The following MMEL1 variants were observed in gnomAD, a reference collection of about 807,000 sequenced individuals.
The protein encoded by MMEL1 is membrane metallo-endopeptidase-like 1.
MMEL1 carries 98 observed loss-of-function variants against 117.1 expected under a neutral mutation model. The observed-to-expected ratio is 0.84, with a 90% CI of 0.71 to 0.99. The LOEUF is 0.99. MMEL1 is among the 50% of genes least tolerant of loss of function. MMEL1 has a pLI of 0.00. For synonymous variants in MMEL1, 390 were observed against 415.1 expected, an observed-to-expected ratio of 0.94 and a Z score of 0.74; for missense variants, 1,014 against 1,049.1, an observed-to-expected ratio of 0.97 and a Z score of 0.46.
At chr1:2,593,266 C>T (rs1459187823) in intron 19 of MMEL1, among the ~76,000 whole-genome samples, 1 of 152,218 alleles carries the variant, frequency 6.6e-6, no homozygotes, top group Non-Finnish European at 1.5e-5. Context: ...AGGGCTCCTC[C>T]TGGGATGCCC....
intron 2 of MMEL1, among the ~76,000 whole-genome samples, chr1:2,623,438 T>C (rs1645321587): frequency 6.6e-6 from 1 of 152,040 alleles, no homozygotes; most frequent in African/African-American, 2.4e-5. Flanking sequence ...TTGGAGCCCA[T>C]CCAAGACCTG....
intron 18 of MMEL1, 176 bp downstream of exon 18, chr1:2,594,209 G>A (rs1252140711): frequency 2.7e-5 from 22 of 826,916 alleles, no homozygotes; most frequent in African/African-American, 3.4e-5. Flanking sequence ...TCCCGAAGCC[G>A]CTCATGGGCA....
At position 2,605,550 on chromosome 1, in the gene MMEL1, C is replaced by G. The variant is rs553715932; in HGVS notation, c.816+8G>C. ...GGTCATCTGGCATTGCGGTGAGGAC[C>G]CACCCACCTTCCGGTTGCTGCCGCC... On this transcript the variant is annotated splice_region_variant and intron_variant, in intron 9 of 23. Transcript: ENST00000378412. The G allele has an allele frequency of 6.2e-7, 1 of 1,611,186 alleles. No homozygotes were observed. Among genetic ancestry groups the G allele is most frequent in the African/African-American group, 1.3e-5 (1 of 74,960 alleles).
At position 2,592,125 on chromosome 1, in the gene MMEL1, C is replaced by A. The variant is rs1360602713; in HGVS notation, c.2068-98G>T. ...AGCAGAGGTCTGGCTCCAGGACCTACCCCTGTGGGGGTCCTGCTGCTGCAA... is the reference window on the plus strand; with the variant it reads ...AGCAGAGGTCTGGCTCCAGGACCTAACCCTGTGGGGGTCCTGCTGCTGCAA... On this transcript the variant is annotated intron_variant, in intron 21 of 23. Transcript: ENST00000378412. The A allele has an allele frequency of 5.1e-6, 5 of 981,098 alleles. No individual in the cohort carries two copies. In the South Asian group the frequency reaches 6.0e-5, roughly 12 times the overall value. 60.8% of individuals were successfully genotyped at this position (981,098 alleles called of 1,614,324 possible).
intron 11 of MMEL1, among the ~76,000 whole-genome samples, chr1:2,602,590 C>G (rs766569414): frequency 2.0e-5 from 3 of 152,214 alleles, no homozygotes; most frequent in Non-Finnish European, 4.4e-5. Flanking sequence ...CCACCTGCCC[C>G]GTCCCCTTCA....
chr1:2,602,705 C>T lies in MMEL1; in HGVS notation c.1041+1179G>A, dbSNP rs1180743871. On this transcript the variant is annotated intron_variant, in intron 11 of 23. Coordinates refer to ENST00000378412, the MANE Select transcript of MMEL1 (RefSeq NM_033467.4). ...CCCCGAGGTCGGACACGGCATCCCC[C>T]GCTTTACTTCCTACTCCATCTCTCT... Among the ~76,000 whole-genome samples the T allele has an allele frequency of 5.3e-5, 8 of 152,202 alleles. No individual in the cohort carries two copies. In the East Asian group the frequency reaches 5.8e-4, roughly 11 times the overall value.
intron 2 of MMEL1, among the ~76,000 whole-genome samples, chr1:2,614,614 T>C (rs369879658): frequency 6.6e-6 from 1 of 152,220 alleles, no homozygotes; most frequent in Non-Finnish European, 1.5e-5. Flanking sequence ...GATATGAGTA[T>C]CTAGATGGGT....
At chr1:2,610,415 G>A (rs1020163565) in intron 4 of MMEL1, among the ~76,000 whole-genome samples, 5 of 152,086 alleles carry the variant, frequency 3.3e-5, no homozygotes, top group African/African-American at 9.7e-5. Context: ...GAACACCAGC[G>A]GTCTGACTTG....
chr1:2,595,424 GT>G lies in MMEL1; in HGVS notation c.1501-66del, dbSNP rs1208083942. ...GCGGATGGAGTCAGCCCGGGGGCCGGTCAGTGAGTGCCACACTGTGGGAGGG... is the reference window on the plus strand; with the variant it reads ...GCGGATGGAGTCAGCCCGGGGGCCGGCAGTGAGTGCCACACTGTGGGAGGG... On this transcript the variant is annotated intron_variant, in intron 15 of 23. Coordinates refer to ENST00000378412, the MANE Select transcript of MMEL1 (RefSeq NM_033467.4). This position sits in a 1 kb window ranked among gnomAD's most constrained non-coding sequence, Gnocchi z 4.8. 1.4e-6 allele frequency: 2 copies of G among 1,406,726 alleles called. No homozygotes were observed. The highest frequency in any genetic ancestry group is 2.8e-5 in the African/African-American group (2 of 70,770). The allele number at this position is 1,406,726 out of a possible 1,614,324, so 87.1% of individuals were successfully genotyped here.
intron 14 of MMEL1, among the ~76,000 whole-genome samples, chr1:2,596,322 CA>C (rs1644838840): frequency 6.6e-6 from 1 of 152,132 alleles, no homozygotes; most frequent in African/African-American, 2.4e-5. Context: ...CCTCGTGGGC[CA>C]GGGGCAACTT....
At chr1:2,606,410 G>T (rs762843937) in intron 7 of MMEL1, 44 bp from the exon 8 acceptor site, 3 of 1,498,870 alleles carry the variant, frequency 2.0e-6, no homozygotes, top group Non-Finnish European at 2.8e-6. Context: ...GGGCCCTGGG[G>T]CCCCAGCCCG....
chr1:2,626,378 C>T (rs1189955136), intron 2 of MMEL1, among the ~76,000 whole-genome samples: 3 of 152,216 alleles, frequency 2.0e-5, no homozygotes, highest in Non-Finnish European at 4.4e-5. Flanking sequence ...GGTTTATACA[C>T]GAGGGGCACT....
At chr1:2,631,417 TTGCC>T (rs1638576018) in intron 1 of MMEL1, among the ~76,000 whole-genome samples, 1 of 151,916 alleles carries the variant, frequency 6.6e-6, no homozygotes. Context: ...GCTGTGGACT[TTGCC>T]TGAGTTCTGT....
Position 2,629,420 on chromosome 1 carries a change from G to C in MMEL1, c.65C>G (p.Pro22Arg). Residue 22 changes from proline (P) to arginine (R), a missense_variant, in exon 2 of 24, where the codon CCG (proline) becomes CGG (arginine). By Grantham distance (103) the Pro-to-Arg change is moderately radical. Coordinates refer to ENST00000378412, the MANE Select transcript of MMEL1 (RefSeq NM_033467.4). Reference sequence around the variant, plus strand: ...CAGCAGCCCCCCCTCCAGGAACCCCGGGCGCTTCTGCCCTGCACGGCCGGC... The same window carrying C: ...CAGCAGCCCCCCCTCCAGGAACCCCCGGCGCTTCTGCCCTGCACGGCCGGC... ...ESAGRAGQKR[P>R]GFLEGGLLLL... The C allele has an allele frequency of 6.5e-7, 1 of 1,545,538 alleles. No individual in the cohort carries two copies. The highest frequency in any genetic ancestry group is 8.7e-7 in the Non-Finnish European group (1 of 1,146,040).
intron 11 of MMEL1, among the ~76,000 whole-genome samples, chr1:2,599,674 A>G: frequency 6.6e-6 from 1 of 152,220 alleles, no homozygotes; most frequent in East Asian, 1.9e-4. Context: ...GCTGGCCAAC[A>G]TGGTGAAACC....
At chr1:2,610,724 AC>A (rs141463268) in intron 4 of MMEL1, among the ~76,000 whole-genome samples, 1 of 152,048 alleles carries the variant, frequency 6.6e-6, no homozygotes, top group Non-Finnish European at 1.5e-5. Context: ...GCTGGGCTGC[AC>A]CCCCCGACCA....
rs145576783 is a variant in MMEL1, at chr1:2,598,972, C to T, written c.1042-182G>A. Among the ~76,000 whole-genome samples, 550 of 152,146 alleles carry T rather than the reference C, an allele frequency of 3.6e-3. 2 individuals carry two copies. Among genetic ancestry groups the T allele is most frequent in the African/African-American group, 0.013 (520 of 41,512 alleles). ...GAGCCTACAGCTGTAAAAACCCAAG[C>T]GATCATGCAGATATATGCGAAAGCC... On this transcript the variant is annotated intron_variant, in intron 11 of 23. Coordinates refer to ENST00000378412, the MANE Select transcript of MMEL1 (RefSeq NM_033467.4).
intron 2 of MMEL1, 152 bp downstream of exon 2, chr1:2,629,179 C>T (rs1442761149): frequency 3.8e-6 from 3 of 796,066 alleles, no homozygotes; most frequent in East Asian, 3.3e-5. Flanking sequence ...CGCAGCTCGG[C>T]CCCGGGAGCC....
At position 2,590,933 on chromosome 1, in the gene MMEL1, C is replaced by T. The variant is rs1386507665; in HGVS notation, c.*57G>A. ...TGGGTCGCCGCTAGCTGCACCTTCG[C>T]ACAGATGCCTCCGAGCAGCGGGTGG... is the stretch of plus-strand genomic sequence containing the variant. On this transcript the variant is annotated 3_prime_UTR_variant, in exon 24 of 24. Transcript: ENST00000378412. 8 of 1,356,908 alleles carry T rather than the reference C, an allele frequency of 5.9e-6. No individual in the cohort carries two copies. The highest frequency in any genetic ancestry group is 7.8e-6 in the Non-Finnish European group (8 of 1,029,382). The allele number at this position is 1,356,908 out of a possible 1,614,324, so 84.1% of individuals were successfully genotyped here.
Sources: allele counts gnomAD v4.1 joint callset (sites outside exome capture counted in the v4.1 genomes callset), GRCh38; gene constraint gnomAD v4.1.1; non-coding constraint Gnocchi (gnomAD v3.1); transcripts MANE v1.5; gene names NCBI Gene and HGNC (gene_info 2026-07-23, HGNC 2026-07-21).